QRFPR: variants seen among roughly 807,000 people sequenced by gnomAD.
The protein encoded by QRFPR is pyroglutamylated RFamide peptide receptor.
Under a neutral mutation model 31.3 loss-of-function variants are expected in QRFPR, and 37 were observed. The observed-to-expected ratio is 1.18, with a 90% CI of 0.91 to 1.56. QRFPR has a LOEUF of 1.56. QRFPR is among the 40% of genes most tolerant of loss of function. The pLI is 0.00. For missense variants in QRFPR, 542 were observed against 532.5 expected (o/e 1.02, Z -0.18); for synonymous variants, 197 against 192.0 (o/e 1.03, Z -0.22).
Position 121,380,312 on chromosome 4 carries a change from C to A in QRFPR, c.336G>T (p.Leu112=), listed in dbSNP as rs200224361. Residue 112 remains leucine, a synonymous_variant, in exon 1 of 6, where the codon CTG becomes CTT. Transcript: ENST00000394427. ...TMLQNISDNW[L]GGAFICKMVP... ...GGAGCGGGGCGCGACTCTTACCCCC[C>A]AGCCAGTTGTCGGAAATGTTCTGGA... 6.2e-6 allele frequency: 10 copies of A among 1,611,384 alleles called. No individual in the cohort carries two copies. The East Asian group carries it at 6.7e-5, about 11-fold the overall frequency.
intron 1 of QRFPR, among the ~76,000 whole-genome samples, chr4:121,343,276 G>C (rs925361101): frequency 2.0e-5 from 3 of 152,142 alleles, no homozygotes; most frequent in African/African-American, 7.2e-5. Context: ...CACTTTAATA[G>C]ACATTTTGTT....
chr4:121,374,229 C>T (rs564923599), intron 1 of QRFPR, among the ~76,000 whole-genome samples: 9 of 152,124 alleles, frequency 5.9e-5, no homozygotes, highest in African/African-American at 1.2e-4. Context: ...CTGCAGAAAA[C>T]GGAAGAATTG....
At chr4:121,355,650 G>A (rs887777732) in intron 1 of QRFPR, among the ~76,000 whole-genome samples, 13 of 151,890 alleles carry the variant, frequency 8.6e-5, no homozygotes, top group Middle Eastern at 3.4e-3. Flanking sequence ...TACATTATTA[G>A]ATTGTTTATT....
intron 1 of QRFPR, among the ~76,000 whole-genome samples, chr4:121,365,761 T>C (rs1480290761): frequency 1.6e-5 from 2 of 126,572 alleles, no homozygotes; most frequent in African/African-American, 3.1e-5. Context: ...TTTGATCCAG[T>C]AAAATTCATC....
At chr4:121,370,761 A>T (rs1441949207) in intron 1 of QRFPR, among the ~76,000 whole-genome samples, 1 of 152,260 alleles carries the variant, frequency 6.6e-6, no homozygotes, top group Non-Finnish European at 1.5e-5. Context: ...TTAAAATGAG[A>T]TTGCATAAAT....
At chr4:121,349,816 C>T (rs934646972) in intron 1 of QRFPR, among the ~76,000 whole-genome samples, 5 of 152,202 alleles carry the variant, frequency 3.3e-5, no homozygotes, top group African/African-American at 9.7e-5. Context: ...TGTTCATACG[C>T]ATGCTACTCT....
At chr4:121,377,413 A>AT (rs10551009) in intron 1 of QRFPR, among the ~76,000 whole-genome samples, 59 of 138,544 alleles carry the variant, frequency 4.3e-4, no homozygotes, top group South Asian at 1.3e-3. Context: ...ATATATATAT[A>AT]TTTTTTTTTT....
Position 121,369,801 on chromosome 4 carries a change from A to G in QRFPR, c.340+10507T>C, listed in dbSNP as rs141882188. The G allele has an allele frequency of 1.9e-4, 273 of 1,465,238 alleles. No individual in the cohort carries two copies. In the African/African-American group the frequency reaches 3.4e-3, roughly 18 times the overall value. 90.8% of individuals were successfully genotyped at this position (1,465,238 alleles called of 1,614,324 possible). Reference sequence around the variant, plus strand: ...CAGCCCCTGGGTCTCTGCTTAGGTGAAAAGTGAGAAGTGGTGCTTGGGGTG... The same window carrying G: ...CAGCCCCTGGGTCTCTGCTTAGGTGGAAAGTGAGAAGTGGTGCTTGGGGTG... On this transcript the variant is annotated intron_variant, in intron 1 of 5. Coordinates refer to ENST00000394427, the MANE Select transcript of QRFPR (RefSeq NM_198179.3).
At chr4:121,370,736 G>A (rs1726224808) in intron 1 of QRFPR, among the ~76,000 whole-genome samples, 1 of 152,114 alleles carries the variant, frequency 6.6e-6, no homozygotes, top group African/African-American at 2.4e-5. Context: ...TTTCATACAT[G>A]TATTAAAGGG....
chr4:121,366,092 C>T lies in QRFPR; in HGVS notation c.340+14216G>A, dbSNP rs906127522. Among the ~76,000 whole-genome samples the T allele has an allele frequency of 2.7e-5, 4 of 149,106 alleles. 1 individual carries two copies. Among genetic ancestry groups the T allele is most frequent in the African/African-American group, 1.0e-4 (4 of 40,092 alleles). Reference sequence around the variant, plus strand: ...GAGGGGTGGAACTGCTGAAGGCACCCCTGCACAAACAGGGCCAAAGCAGGT... The same window carrying T: ...GAGGGGTGGAACTGCTGAAGGCACCTCTGCACAAACAGGGCCAAAGCAGGT... On this transcript the variant is annotated intron_variant, in intron 1 of 5. Coordinates refer to ENST00000394427, the MANE Select transcript of QRFPR (RefSeq NM_198179.3).
At chr4:121,342,609 T>C (rs1187133320) in intron 1 of QRFPR, among the ~76,000 whole-genome samples, 4 of 152,144 alleles carry the variant, frequency 2.6e-5, no homozygotes, top group Non-Finnish European at 5.9e-5. Context: ...ATATAATATA[T>C]ATGCTGCTAA....
At chr4:121,373,074 G>C (rs1313332829) in intron 1 of QRFPR, among the ~76,000 whole-genome samples, 1 of 151,864 alleles carries the variant, frequency 6.6e-6, no homozygotes, top group Non-Finnish European at 1.5e-5. Flanking sequence ...TTTTTCTTAA[G>C]GTAATTTAAG....
At chr4:121,351,581 T>G (rs934324187) in intron 1 of QRFPR, among the ~76,000 whole-genome samples, 1 of 152,032 alleles carries the variant, frequency 6.6e-6, no homozygotes, top group Non-Finnish European at 1.5e-5. Flanking sequence ...AAATCAGAAA[T>G]AATGGGGTTT....
intron 4 of QRFPR, among the ~76,000 whole-genome samples, chr4:121,330,945 A>G (rs1020782952): frequency 1.3e-5 from 2 of 152,134 alleles, no homozygotes; most frequent in Non-Finnish European, 2.9e-5. Context: ...AAGAGCATTC[A>G]TGCCTGTGGT....
At chr4:121,379,465 G>T (rs747022746) in intron 1 of QRFPR, among the ~76,000 whole-genome samples, 1 of 152,202 alleles carries the variant, frequency 6.6e-6, no homozygotes, top group Non-Finnish European at 1.5e-5. Flanking sequence ...CTTAAGCACT[G>T]GTGAGAATAC....
chr4:121,340,999 A>T (rs976686812), intron 1 of QRFPR, among the ~76,000 whole-genome samples: 9 of 152,174 alleles, frequency 5.9e-5, no homozygotes, highest in Admixed American at 5.2e-4. Flanking sequence ...CTGGCAAATC[A>T]CAACAAAGAA....
chr4:121,365,575 TATATATTATATATATTATATATATATA>T (rs1726100672), intron 1 of QRFPR, among the ~76,000 whole-genome samples: 1 of 1,488 alleles, frequency 6.7e-4, no homozygotes, highest in Non-Finnish European at 1.1e-3. Flanking sequence ...TTATATATAA[TATATATTATATATATTATATATATATA>T]ATATATATAT....
At chr4:121,338,564 C>G (rs1280477353) in intron 2 of QRFPR, among the ~76,000 whole-genome samples, 1 of 152,178 alleles carries the variant, frequency 6.6e-6, no homozygotes, top group Non-Finnish European at 1.5e-5. Flanking sequence ...TTATGCGTAG[C>G]CCAAGGCAAT....
In QRFPR at chr4:121,336,695, C is replaced by A. The variant is rs183625014; in HGVS notation, c.561+112G>T. 5.9e-5 allele frequency: 49 copies of A among 828,564 alleles called. No homozygotes were observed. In the East Asian group the frequency reaches 1.2e-3, roughly 20 times the overall value. The allele number at this position is 828,564 out of a possible 1,614,324, so 51.3% of individuals were successfully genotyped here. On this transcript the variant is annotated intron_variant, in intron 3 of 5. Coordinates refer to ENST00000394427, the MANE Select transcript of QRFPR (RefSeq NM_198179.3). ...ACTTAAAAGACCTCCAGTGGAATAG[C>A]TGAGGTCATACAAATTTGCTGTATT... is the stretch of plus-strand genomic sequence containing the variant.
Sources: allele counts gnomAD v4.1 joint callset (sites outside exome capture counted in the v4.1 genomes callset), GRCh38; gene constraint gnomAD v4.1.1; transcripts MANE v1.5; gene names NCBI Gene and HGNC (gene_info 2026-07-23, HGNC 2026-07-21).